CA5A: variants seen among roughly 807,000 people sequenced by gnomAD.
CA5A encodes carbonic anhydrase 5A.
In CA5A, 28 loss-of-function variants were observed where a neutral mutation model predicts 37.1. That is an observed-to-expected ratio of 0.75 (90% CI 0.56 to 1.03). The LOEUF (loss-of-function observed/expected upper bound fraction) is 1.03, where lower values mean the gene tolerates loss of function less well. Ranked by LOEUF, CA5A falls within the 50% of genes least tolerant of loss-of-function variation. CA5A has a pLI of 0.00. For missense variants in CA5A, 444 were observed against 399.9 expected (o/e 1.11, Z -0.94); for synonymous variants, 171 against 158.4 (o/e 1.08, Z -0.60).
chr16:87,922,612 G>A (rs773516649), intron 2 of CA5A, among the ~76,000 whole-genome samples: 6 of 152,218 alleles, frequency 3.9e-5, no homozygotes, highest in Non-Finnish European at 5.9e-5. Context: ...GGCCTCCCGT[G>A]CCGACCTCAA....
intron 6 of CA5A, among the ~76,000 whole-genome samples, chr16:87,891,300 TC>T (rs1298833370): frequency 6.6e-6 from 1 of 151,426 alleles, no homozygotes; most frequent in Non-Finnish European, 1.5e-5. Flanking sequence ...AAACTCCGTC[TC>T]TACTAAAAAT....
intron 2 of CA5A, among the ~76,000 whole-genome samples, chr16:87,921,845 C>A (rs1413343445): frequency 6.6e-6 from 1 of 150,400 alleles, no homozygotes; most frequent in Non-Finnish European, 1.5e-5. Context: ...AGGTTGTGTT[C>A]CTTTGTGTGT....
chr16:87,924,109 G>T (rs1204771045), intron 2 of CA5A: 4 of 985,264 alleles, frequency 4.1e-6, no homozygotes, highest in Non-Finnish European at 4.8e-6. Flanking sequence ...CCCGAAGCTG[G>T]CCTGGTTTGT....
chr16:87,918,784 C>T (rs888258507), intron 2 of CA5A, among the ~76,000 whole-genome samples: 2 of 152,136 alleles, frequency 1.3e-5, no homozygotes, highest in African/African-American at 4.8e-5. Context: ...TGTCCTTCAT[C>T]TGAGGTTCTC....
intron 2 of CA5A, among the ~76,000 whole-genome samples, chr16:87,914,367 A>G (rs4441280): frequency 0.13 from 19,940 of 152,190 alleles, 1,603 homozygotes; most frequent in South Asian, 0.19. Context: ...AACCGCCAGC[A>G]GCACTGAGGG....
chr16:87,890,517 T>C (rs1348065334), intron 6 of CA5A, among the ~76,000 whole-genome samples: 2 of 152,194 alleles, frequency 1.3e-5, no homozygotes, highest in African/African-American at 4.8e-5. Flanking sequence ...GGGCGGGGCA[T>C]AGGCAGCACG....
chr16:87,904,850 T>C lies in CA5A; in HGVS notation c.395A>G (p.His132Arg). 1 of 1,613,656 alleles carries C rather than the reference T, an allele frequency of 6.2e-7. No individual in the cohort carries two copies. The highest frequency in any genetic ancestry group is 8.5e-7 in the Non-Finnish European group (1 of 1,179,606). Residue 132 changes from histidine (H) to arginine (R), a missense_variant, in exon 3 of 7, where the codon CAC becomes CGC. His to Arg is a conservative substitution (Grantham distance 29, BLOSUM62 0). Coordinates refer to ENST00000649794, the MANE Select transcript of CA5A (RefSeq NM_001739.2). ...GCCCCCCTCGTTCACTGCTCCCCAG[T>C]GGAAGTGAAATTGCTTCAGTCTGTA... ...NHYRLKQFHF[H>R]WGAVNEGGSE... is the part of the protein sequence containing the mutation.
At chr16:87,892,741 T>C (rs2055740648) in intron 5 of CA5A, among the ~76,000 whole-genome samples, 1 of 150,348 alleles carries the variant, frequency 6.7e-6, no homozygotes, top group South Asian at 2.1e-4. Flanking sequence ...TGGTGTGATC[T>C]TGGCTCACCG....
At chr16:87,929,828 C>T (rs569638206) in intron 1 of CA5A, among the ~76,000 whole-genome samples, 16 of 138,714 alleles carry the variant, frequency 1.2e-4, no homozygotes, top group East Asian at 4.2e-4. Flanking sequence ...GCCGAGATCG[C>T]GCCACCGCAC....
chr16:87,900,453 C>A (rs2143941522), intron 5 of CA5A, among the ~76,000 whole-genome samples: 1 of 152,360 alleles, frequency 6.6e-6, no homozygotes, highest in African/African-American at 2.4e-5. Context: ...GGGCTGGTCC[C>A]AGCTCCATCT....
In CA5A at chr16:87,893,379, G is replaced by A. The variant is rs530962822; in HGVS notation, c.619-1425C>T. The A allele has an allele frequency of 1.4e-4, 62 of 438,248 alleles. 1 individual carries two copies. The Admixed American group carries it at 1.4e-3, about 10-fold the overall frequency. The allele number at this position is 438,248 out of a possible 1,614,324, so 27.1% of individuals were successfully genotyped here. A position where few individuals can be genotyped will look rare whatever the true frequency, so the allele number is the denominator to read the frequency against. On this transcript the variant is annotated intron_variant, in intron 5 of 6. Transcript: ENST00000649794. ...CCTGACCTCGTGATCTGCCCACCTC[G>A]GCCTCCCAAAGTGTTGGGATTACAG...
chr16:87,888,068 T>A lies in CA5A; in HGVS notation c.*61A>T, dbSNP rs1184183223. On this transcript the variant is annotated 3_prime_UTR_variant, in exon 7 of 7. Coordinates refer to ENST00000649794, the MANE Select transcript of CA5A (RefSeq NM_001739.2). ...GTCATGTACAATCACATTGTGAAACTTGGGAAACAACGCTTCCTTCCTTCA... is the reference window on the plus strand; with the variant it reads ...GTCATGTACAATCACATTGTGAAACATGGGAAACAACGCTTCCTTCCTTCA... The A allele has an allele frequency of 1.2e-5, 19 of 1,526,512 alleles. No individual in the cohort carries two copies. The East Asian group carries it at 4.1e-4, about 33-fold the overall frequency. The allele number at this position is 1,526,512 out of a possible 1,614,324, so 94.6% of individuals were successfully genotyped here. A position where few individuals can be genotyped will look rare whatever the true frequency, so the allele number is the denominator to read the frequency against.
At chr16:87,894,084 G>T (rs1250697837) in intron 5 of CA5A, among the ~76,000 whole-genome samples, 1 of 152,190 alleles carries the variant, frequency 6.6e-6, no homozygotes, top group East Asian at 1.9e-4. Flanking sequence ...ATACCCAGAA[G>T]TGTGTGATTG....
At chr16:87,905,830 G>C (rs1367336390) in intron 2 of CA5A, among the ~76,000 whole-genome samples, 1 of 152,198 alleles carries the variant, frequency 6.6e-6, no homozygotes, top group Admixed American at 6.5e-5. Flanking sequence ...TGCAGGCCTC[G>C]GGGTGCCCCT....
intron 6 of CA5A, 81 bp from the exon 7 acceptor site, chr16:87,888,353 G>A (rs940872431): frequency 3.9e-6 from 5 of 1,272,042 alleles, no homozygotes; most frequent in Non-Finnish European, 4.4e-6. Context: ...GCCTTATGTG[G>A]TCCCCTCCCA....
intron 5 of CA5A, among the ~76,000 whole-genome samples, chr16:87,901,300 C>G (rs944952893): frequency 1.3e-5 from 2 of 152,184 alleles, no homozygotes; most frequent in African/African-American, 4.8e-5. Context: ...ATATGTCAAA[C>G]GTCTTCAGGA....
chr16:87,914,928 G>A (rs145533662), intron 2 of CA5A, among the ~76,000 whole-genome samples: 2 of 152,226 alleles, frequency 1.3e-5, no homozygotes, highest in Non-Finnish European at 1.5e-5. Context: ...TCCCGTCTTC[G>A]GAACGAGAGT....
chr16:87,897,211 C>A (rs71392321), intron 5 of CA5A, among the ~76,000 whole-genome samples: 15,072 of 152,246 alleles, frequency 0.099, 1,003 homozygotes, highest in African/African-American at 0.19. Flanking sequence ...GCTGTTTCCA[C>A]CTCCACAAGG....
chr16:87,900,087 A>G (rs1299352763), intron 5 of CA5A, among the ~76,000 whole-genome samples: 2 of 151,968 alleles, frequency 1.3e-5, no homozygotes, highest in Non-Finnish European at 2.9e-5. Context: ...GAAAATTCTG[A>G]CTTACCCCAT....
Sources: gnomAD v4.1 joint callset for allele counts (sites outside exome capture counted in the v4.1 genomes callset) on GRCh38, gnomAD v4.1.1 for gene constraint, MANE v1.5 for transcripts, NCBI Gene and HGNC (gene_info 2026-07-23, HGNC 2026-07-21) for gene names.